Variants in INPP4B observed in about 807,000 individuals in gnomAD.
INPP4B encodes the protein inositol polyphosphate-4-phosphatase type II B.
Under a neutral mutation model 122.5 loss-of-function variants are expected in INPP4B, and 55 were observed. The ratio of observed to expected loss-of-function variants is 0.45; its 90% CI spans 0.36 to 0.56. The LOEUF (loss-of-function observed/expected upper bound fraction) is 0.56. INPP4B is among the 20% of genes least tolerant of loss of function. The pLI is 0.00. For synonymous variants in INPP4B, 403 were observed against 388.7 expected, an observed-to-expected ratio of 1.04 and a Z score of -0.43; for missense variants, 1,000 against 1,097.7, an observed-to-expected ratio of 0.91 and a Z score of 1.26.
At chr4:142,628,794 G>A (rs1263577915) in intron 2 of INPP4B, among the ~76,000 whole-genome samples, 2 of 151,980 alleles carry the variant, frequency 1.3e-5, no homozygotes, top group Non-Finnish European at 2.9e-5. Flanking sequence ...TCCCATAGGA[G>A]TTCCGCCCAA....
intron 2 of INPP4B, among the ~76,000 whole-genome samples, chr4:142,693,368 A>G (rs1760508254): frequency 6.6e-6 from 1 of 151,844 alleles, no homozygotes; most frequent in Non-Finnish European, 1.5e-5. Context: ...TCTTAGGCTG[A>G]GTTCCTTAAA....
intron 3 of INPP4B, among the ~76,000 whole-genome samples, chr4:142,445,376 G>GA (rs1562115947): frequency 6.6e-6 from 1 of 152,054 alleles, no homozygotes; most frequent in Non-Finnish European, 1.5e-5. Flanking sequence ...CAAAAATACT[G>GA]AAAAACAACA....
At chr4:142,453,636 A>G (rs1263806241) in intron 3 of INPP4B, among the ~76,000 whole-genome samples, 3 of 152,062 alleles carry the variant, frequency 2.0e-5, no homozygotes, top group Non-Finnish European at 4.4e-5. Context: ...ATATGACATA[A>G]CTAACTTTTC....
intron 14 of INPP4B, among the ~76,000 whole-genome samples, chr4:142,204,706 C>A (rs1025868057): frequency 6.6e-6 from 1 of 151,886 alleles, no homozygotes; most frequent in Non-Finnish European, 1.5e-5. Flanking sequence ...ACATAGAGGG[C>A]AGGAGAACAC....
chr4:142,456,023 G>A (rs28786807), intron 3 of INPP4B, among the ~76,000 whole-genome samples: 9 of 151,738 alleles, frequency 5.9e-5, no homozygotes, highest in African/African-American at 1.9e-4. Context: ...CTATAGAGTT[G>A]TTTCAGATCC....
chr4:142,458,764 G>A (rs1489501957), intron 3 of INPP4B, among the ~76,000 whole-genome samples: 3 of 152,162 alleles, frequency 2.0e-5, no homozygotes, highest in Non-Finnish European at 2.9e-5. Flanking sequence ...TAAAAATGAG[G>A]CTCCCTTGGG....
intron 23 of INPP4B, among the ~76,000 whole-genome samples, chr4:142,098,047 T>C (rs1782757477): frequency 6.6e-6 from 1 of 152,032 alleles, no homozygotes; most frequent in South Asian, 2.1e-4. Flanking sequence ...GGGCAAGAGA[T>C]TGCAATTTTA....
intron 1 of INPP4B, among the ~76,000 whole-genome samples, chr4:142,749,252 C>G (rs1261837666): frequency 2.8e-5 from 4 of 144,968 alleles, no homozygotes; most frequent in African/African-American, 1.0e-4. Flanking sequence ...TAATGTCTTA[C>G]CATATATAAT....
At chr4:142,424,756 C>T (rs182309603) in intron 5 of INPP4B, among the ~76,000 whole-genome samples, 104 of 151,936 alleles carry the variant, frequency 6.8e-4, no homozygotes, top group African/African-American at 2.4e-3. Flanking sequence ...TCTTTCATCC[C>T]TCCTGAATTT....
intron 8 of INPP4B, chr4:142,305,949 A>G (rs990138180): frequency 4.9e-6 from 5 of 1,014,346 alleles, no homozygotes; most frequent in African/African-American, 3.5e-5. Context: ...AGATATGAGC[A>G]AATCTGTTAG....
intron 25 of INPP4B, among the ~76,000 whole-genome samples, chr4:142,032,343 T>C (rs532354888): frequency 6.6e-6 from 1 of 151,984 alleles, no homozygotes; most frequent in Non-Finnish European, 1.5e-5. Flanking sequence ...GAGGAGAGAC[T>C]CTACAGTTAT....
rs1327373619 is a variant in INPP4B, at chr4:142,173,738, T to C, written c.1253A>G (p.Asn418Ser). ...GGTTGCTATAAGAGGTTGTAGTTGA[T>C]TGATGTTGCTGAGAACTTCCTTTGC... is the stretch of plus-strand genomic sequence containing the variant. ...AKAKEVLSNINQLQPLIATHA... is the reference protein window; with the variant it reads ...AKAKEVLSNISQLQPLIATHA... The change falls in exon 16 of 26, where the codon AAT becomes AGT. Residue 418 changes from asparagine to serine, a missense_variant. By Grantham distance (46) the Asn-to-Ser change is conservative. Transcript: ENST00000262992. The C allele has an allele frequency of 1.2e-6, 2 of 1,613,368 alleles. No individual in the cohort carries two copies. The highest frequency in any genetic ancestry group is 1.3e-5 in the African/African-American group (1 of 74,974).
intron 8 of INPP4B, among the ~76,000 whole-genome samples, chr4:142,311,152 G>C (rs1458827153): frequency 6.6e-6 from 1 of 152,156 alleles, no homozygotes; most frequent in Non-Finnish European, 1.5e-5. Context: ...TCTCCGATCT[G>C]TTTTGCGGTG....
intron 7 of INPP4B, among the ~76,000 whole-genome samples, chr4:142,365,659 T>C (rs1787181097): frequency 6.6e-6 from 1 of 152,232 alleles, no homozygotes; most frequent in South Asian, 2.1e-4. Flanking sequence ...CAGCAGCTCA[T>C]TAGAATGCAT....
At chr4:142,424,071 C>T (rs944026094) in intron 5 of INPP4B, among the ~76,000 whole-genome samples, 1 of 152,112 alleles carries the variant, frequency 6.6e-6, no homozygotes, top group Admixed American at 6.6e-5. Context: ...TACAGCTCTC[C>T]TACTCTAGAA....
At chr4:142,187,532 A>C (rs1833692309) in intron 15 of INPP4B, among the ~76,000 whole-genome samples, 1 of 151,760 alleles carries the variant, frequency 6.6e-6, no homozygotes, top group Non-Finnish European at 1.5e-5. Flanking sequence ...ATATCTATCT[A>C]TATATAAATA....
chr4:142,088,020 A>G (rs528966310), intron 23 of INPP4B, among the ~76,000 whole-genome samples: 1 of 152,304 alleles, frequency 6.6e-6, no homozygotes, highest in Non-Finnish European at 1.5e-5. Context: ...TCTAAAAGAG[A>G]AAGTTGTCAA....
At chr4:142,239,053 A>G (rs1579398128) in intron 11 of INPP4B, among the ~76,000 whole-genome samples, 1 of 152,112 alleles carries the variant, frequency 6.6e-6, no homozygotes, top group African/African-American at 2.4e-5. Context: ...AGATCTTCTC[A>G]ATGTACAGGG....
intron 7 of INPP4B, among the ~76,000 whole-genome samples, chr4:142,401,137 C>T (rs932291134): frequency 6.6e-6 from 1 of 152,096 alleles, no homozygotes; most frequent in Non-Finnish European, 1.5e-5. Context: ...TTGTCCTGAT[C>T]ATTTCTCTGC....
Sources: allele counts gnomAD v4.1 joint callset (sites outside exome capture counted in the v4.1 genomes callset), GRCh38; gene constraint gnomAD v4.1.1; transcripts MANE v1.5; gene names NCBI Gene and HGNC (gene_info 2026-07-23, HGNC 2026-07-21).